The following PRKAR1A variants were observed in gnomAD, a reference collection of about 807,000 sequenced individuals.
The protein encoded by PRKAR1A is protein kinase cAMP-dependent type I regulatory subunit alpha.
In PRKAR1A, 3 loss-of-function variants were observed where a neutral mutation model predicts 52.0. The observed-to-expected ratio is 0.06, with a 90% CI of 0.03 to 0.15. PRKAR1A has a LOEUF of 0.15. PRKAR1A is among the 10% of genes least tolerant of loss of function. PRKAR1A has a pLI of 1.00. For synonymous variants in PRKAR1A, 188 were observed against 168.4 expected, an observed-to-expected ratio of 1.12 and a Z score of -0.90; for missense variants, 240 against 477.4, an observed-to-expected ratio of 0.50 and a Z score of 4.63.
chr17:68,541,140 T>A, intron 11 of PRKAR1A: 1 of 806,766 alleles, frequency 1.2e-6, no homozygotes, highest in Non-Finnish European at 1.9e-6. Flanking sequence ...TTCCGTGTGG[T>A]GAGAAGGTCC....
intron 1 of PRKAR1A, among the ~76,000 whole-genome samples, chr17:68,514,530 C>G (rs886342249): frequency 6.6e-6 from 1 of 152,146 alleles, no homozygotes; most frequent in African/African-American, 2.4e-5. Flanking sequence ...TACCATAATT[C>G]GAATCCTCTA....
At chr17:68,429,791 G>C in the PRKAR1A span, among the ~76,000 whole-genome samples, 4 of 152,118 alleles carry the variant, frequency 2.6e-5, no homozygotes, top group African/African-American at 4.8e-5. Flanking sequence ...ATTTCACCAC[G>C]TTGGCCAGGC....
intron 11 of PRKAR1A, among the ~76,000 whole-genome samples, chr17:68,544,528 A>C (rs1205470718): frequency 6.6e-6 from 1 of 152,174 alleles, no homozygotes; most frequent in African/African-American, 2.4e-5. Flanking sequence ...GGGACTGTTG[A>C]AACGACTGCA....
rs547146855 is a variant in PRKAR1A, at chr17:68,546,809, G to A, written c.974-4275G>A. Among the ~76,000 whole-genome samples, 75 of 144,354 alleles carry A rather than the reference G, an allele frequency of 5.2e-4. 1 individual carries two copies. In the South Asian group the frequency reaches 9.2e-3, roughly 18 times the overall value. 94.7% of individuals were successfully genotyped at this position (144,354 alleles called of 152,430 possible). ...TGAGCCACTGGACTCCAGCCTGGGC[G>A]AGAGTGCGAGACTACGGCTCAAAAA... On this transcript the variant is annotated intron_variant, in intron 11 of 11. Coordinates refer to the PRKAR1A transcript ENST00000585981.
At chr17:68,446,333 ACCATGCCT>A in the PRKAR1A span, among the ~76,000 whole-genome samples, 1 of 152,074 alleles carries the variant, frequency 6.6e-6, no homozygotes, top group South Asian at 2.1e-4. Context: ...GGTGTGCGCC[ACCATGCCT>A]GGCTAATTTT....
chr17:68,435,815 G>T, the PRKAR1A span: 1 of 1,038,280 alleles, frequency 9.6e-7, no homozygotes, highest in Non-Finnish European at 1.5e-6. Context: ...CCTTTGTCCA[G>T]CTCCCTGTCT....
Position 68,543,665 on chromosome 17 carries a change from C to G in PRKAR1A, c.974-7419C>G, listed in dbSNP as rs1368355737. The G allele has an allele frequency of 7.4e-6, 12 of 1,614,026 alleles. No homozygotes were observed. In the South Asian group the frequency reaches 1.3e-4, roughly 18 times the overall value. ...GAAAGCTGCGATCTCAGCATTGTGT[C>G]TCTGAAAGTCAATGAAGTAGAAGAA... On this transcript the variant is annotated intron_variant, in intron 11 of 11. Coordinates refer to the PRKAR1A transcript ENST00000585981.
chr17:68,454,416 T>A, the PRKAR1A span, among the ~76,000 whole-genome samples: 2 of 152,036 alleles, frequency 1.3e-5, no homozygotes, highest in Non-Finnish European at 2.9e-5. Flanking sequence ...TTCCCTGGAA[T>A]TTTTTTTCCC....
upstream of PRKAR1A, among the ~76,000 whole-genome samples, chr17:68,508,378 G>A (rs1278764210): frequency 6.6e-6 from 1 of 152,094 alleles, no homozygotes; most frequent in Admixed American, 6.6e-5. Flanking sequence ...CATGTCTTTC[G>A]CAGCAACATA....
chr17:68,423,893 T>C, the PRKAR1A span, among the ~76,000 whole-genome samples: 48 of 152,326 alleles, frequency 3.2e-4, no homozygotes, highest in African/African-American at 1.1e-3. The surrounding 1 kb of genome is among the most constrained non-coding windows in gnomAD (Gnocchi z 4.4). Context: ...AAGAATCTAA[T>C]AATATTTTAT....
chr17:68,532,115 C>G lies in PRKAR1A; in HGVS notation c.*1666C>G, dbSNP rs2085991984. 1 of 1,063,930 alleles carries G rather than the reference C, an allele frequency of 9.4e-7. No homozygotes were observed. Among genetic ancestry groups the G allele is most frequent in the African/African-American group, 1.6e-5 (1 of 61,004 alleles). The allele number at this position is 1,063,930 out of a possible 1,614,324, so 65.9% of individuals were successfully genotyped here. A position where few individuals can be genotyped will look rare whatever the true frequency, so the allele number is the denominator to read the frequency against. ...ATTTTAGGGTGGGTAAGAAAGCCAC[C>G]TTGTTACAAATTTTTTAATTTCCAA... On this transcript the variant is annotated 3_prime_UTR_variant, in exon 11 of 11. Coordinates refer to ENST00000589228, the MANE Select transcript of PRKAR1A (RefSeq NM_002734.5).
At chr17:68,505,992 T>C in the PRKAR1A span, among the ~76,000 whole-genome samples, 2 of 152,234 alleles carry the variant, frequency 1.3e-5, no homozygotes, top group Non-Finnish European at 2.9e-5. Flanking sequence ...AAACCAAAAG[T>C]CTATTAATTA....
chr17:68,431,095 C>T, the PRKAR1A span, among the ~76,000 whole-genome samples: 12 of 152,106 alleles, frequency 7.9e-5, no homozygotes, highest in South Asian at 2.1e-4. Context: ...CCCTGTGCTC[C>T]GGGCTGGGGT....
intron 2 of PRKAR1A, among the ~76,000 whole-genome samples, chr17:68,517,202 C>G (rs1215308116): frequency 6.6e-6 from 1 of 152,118 alleles, no homozygotes; most frequent in Admixed American, 6.5e-5. Context: ...TGCTGTAATT[C>G]AAGGGTCTTT....
At chr17:68,488,324 A>G in the PRKAR1A span, among the ~76,000 whole-genome samples, 1 of 152,120 alleles carries the variant, frequency 6.6e-6, no homozygotes, top group Non-Finnish European at 1.5e-5. Context: ...CTTGCACGCC[A>G]TTGCAAGGCT....
the PRKAR1A span, among the ~76,000 whole-genome samples, chr17:68,434,002 T>A: frequency 6.6e-6 from 1 of 151,950 alleles, no homozygotes; most frequent in Non-Finnish European, 1.5e-5. Context: ...AGGCTGGTCC[T>A]CAGGTGATCT....
the PRKAR1A span, chr17:68,421,919 AGAG>A: frequency 2.7e-6 from 4 of 1,500,486 alleles, no homozygotes; most frequent in Non-Finnish European, 3.7e-6. Context: ...GTGAGCAGGG[AGAG>A]GCTGGGCACT....
intron 11 of PRKAR1A, among the ~76,000 whole-genome samples, chr17:68,539,550 A>G (rs2086198962): frequency 6.6e-6 from 1 of 152,210 alleles, no homozygotes; most frequent in Non-Finnish European, 1.5e-5. Context: ...CCCCAGTCAG[A>G]TCACAAAAGC....
intron 11 of PRKAR1A, chr17:68,550,993 T>G (rs185175738): frequency 9.1e-7 from 1 of 1,100,198 alleles, no homozygotes; most frequent in East Asian, 3.2e-5. Flanking sequence ...AATCTGCCAG[T>G]CTAATTGTAT....
Sources: allele counts gnomAD v4.1 joint callset (sites outside exome capture counted in the v4.1 genomes callset), GRCh38; gene constraint gnomAD v4.1.1; non-coding constraint Gnocchi (gnomAD v3.1); transcripts MANE v1.5; gene names NCBI Gene and HGNC (gene_info 2026-07-23, HGNC 2026-07-21).